The following CDYL variants were observed in gnomAD, a reference collection of about 807,000 sequenced individuals.
The protein encoded by CDYL is chromodomain Y-like protein.
A neutral mutation model predicts 47.3 loss-of-function variants in CDYL; 8 were observed. That is an observed-to-expected ratio of 0.17 (90% confidence interval 0.10 to 0.31). The LOEUF is 0.31. Ranked by LOEUF, CDYL falls within the 10% of genes least tolerant of loss-of-function variation. The pLI, the probability that CDYL is intolerant of heterozygous loss-of-function variation, is 1.00. For synonymous variants in CDYL, 266 were observed against 265.0 expected (o/e 1.00, Z -0.04); for missense variants, 471 against 701.4 (o/e 0.67, Z 3.71).
chr6:4,935,806 G>T, intron 3 of CDYL, 35 bp downstream of exon 3: 1 of 1,608,442 alleles, frequency 6.2e-7, no homozygotes, highest in South Asian at 1.1e-5. Flanking sequence ...TGGGCTTCGC[G>T]CTTCTCCCTG....
chr6:4,834,795 A>G (rs942377238), intron 1 of CDYL, among the ~76,000 whole-genome samples: 6 of 151,154 alleles, frequency 4.0e-5, no homozygotes, highest in Non-Finnish European at 7.4e-5. Flanking sequence ...TTTTCTCTAA[A>G]CTTCCTTTCT....
intron 1 of CDYL, among the ~76,000 whole-genome samples, chr6:4,796,106 C>T (rs1329871261): frequency 5.9e-5 from 9 of 151,994 alleles, no homozygotes; most frequent in South Asian, 4.1e-4. Context: ...ACTACAGGCA[C>T]GCACCACCAT....
chr6:4,791,715 A>T (rs1758922012), intron 1 of CDYL, among the ~76,000 whole-genome samples: 1 of 152,050 alleles, frequency 6.6e-6, no homozygotes, highest in Non-Finnish European at 1.5e-5. Flanking sequence ...AGAAAGAAAA[A>T]AAAAAAGTCC....
intron 4 of CDYL, among the ~76,000 whole-genome samples, chr6:4,938,986 A>C (rs1019750816): frequency 6.6e-6 from 1 of 152,220 alleles, no homozygotes; most frequent in East Asian, 1.9e-4. Context: ...TCAACATGAA[A>C]GTTGGCTATG....
chr6:4,806,219 T>A (rs752137917), intron 1 of CDYL, among the ~76,000 whole-genome samples: 1 of 152,298 alleles, frequency 6.6e-6, no homozygotes, highest in Middle Eastern at 3.4e-3. Flanking sequence ...AGAAAAGGAA[T>A]GCTTGCAGTC....
intron 1 of CDYL, among the ~76,000 whole-genome samples, chr6:4,885,081 C>T (rs537933397): frequency 1.3e-5 from 2 of 152,200 alleles, no homozygotes; most frequent in East Asian, 3.9e-4. Flanking sequence ...GTAGCCTAGA[C>T]CTCCTTGGCT....
rs9504227 is a variant in CDYL, at chr6:4,744,717, C to T, written c.186+9873C>T. On this transcript the variant is annotated intron_variant, in intron 3 of 8. Coordinates refer to the CDYL transcript ENST00000328908. ...CTTCATTTTACAGATAAGGAAACTA[C>T]GGCTTAAAGAGGTTAATTTTTCCAA... 9.0e-3 allele frequency among the ~76,000 whole-genome samples: 1,371 copies of T among 152,260 alleles called. 24 individuals are homozygous for T. The highest frequency in any genetic ancestry group is 0.031 in the African/African-American group (1,309 of 41,566).
At chr6:4,889,691 A>G (rs1761988764) in intron 1 of CDYL, among the ~76,000 whole-genome samples, 1 of 152,170 alleles carries the variant, frequency 6.6e-6, no homozygotes, top group African/African-American at 2.4e-5. Context: ...CCTTGCTATA[A>G]GAACAGGGTT....
At chr6:4,754,742 T>C (rs1233394189) in intron 3 of CDYL, among the ~76,000 whole-genome samples, 3 of 152,216 alleles carry the variant, frequency 2.0e-5, no homozygotes. Context: ...TAAATTAATA[T>C]TTGATTACTA....
intron 1 of CDYL, among the ~76,000 whole-genome samples, chr6:4,845,199 C>T (rs1171619080): frequency 3.3e-5 from 5 of 152,188 alleles, no homozygotes; most frequent in Non-Finnish European, 5.9e-5. Flanking sequence ...GGTTCAAAAG[C>T]TGACTTTTCA....
chr6:4,798,851 G>GCTAA (rs79037137), intron 1 of CDYL, among the ~76,000 whole-genome samples: 22,980 of 152,072 alleles, frequency 0.15, 1,920 homozygotes, highest in African/African-American at 0.22. Flanking sequence ...TTAAACATAA[G>GCTAA]CTAGACTTAA....
rs140155347 is a variant in CDYL at position 4,918,369 on chromosome 6, G to GC, written c.692-17136dup. Among the ~76,000 whole-genome samples the GC allele has an allele frequency of 6.3e-3, 929 of 148,602 alleles. 10 individuals are homozygous for GC. Among genetic ancestry groups the GC allele is most frequent in the African/African-American group, 0.022 (873 of 40,594 alleles). ...GAAAAGAAAGGTTGGGTGATGTTCTGCCCCCCCCCCTTTTTTTTGGCACTT... is the reference window on the plus strand; with the variant it reads ...GAAAAGAAAGGTTGGGTGATGTTCTGCCCCCCCCCCCTTTTTTTTGGCACTT... On this transcript the variant is annotated intron_variant, in intron 2 of 6. Transcript: ENST00000397588.
chr6:4,721,302 C>T (rs760224141), intron 2 of CDYL, among the ~76,000 whole-genome samples: 5 of 151,984 alleles, frequency 3.3e-5, no homozygotes, highest in Non-Finnish European at 7.4e-5. Context: ...TTTTGCTAAT[C>T]TTCTCTGTAT....
intron 1 of CDYL, among the ~76,000 whole-genome samples, chr6:4,715,393 T>C (rs1299127577): frequency 1.3e-5 from 2 of 152,222 alleles, no homozygotes; most frequent in East Asian, 3.8e-4. Context: ...CTGCAAATGA[T>C]AGCCTTCCAA....
intron 1 of CDYL, among the ~76,000 whole-genome samples, chr6:4,875,213 C>T (rs1265844987): frequency 6.6e-5 from 10 of 152,154 alleles, no homozygotes; most frequent in Admixed American, 6.5e-4. Flanking sequence ...ATTTTAGCCA[C>T]TGTAGTAAGA....
upstream of CDYL, among the ~76,000 whole-genome samples, chr6:4,772,463 C>CT (rs1459965181): frequency 2.0e-5 from 3 of 152,222 alleles, no homozygotes; most frequent in African/African-American, 7.2e-5. Flanking sequence ...GGTATCCACT[C>CT]TAAGCTTTTA....
chr6:4,765,046 G>A (rs1316133680), intron 3 of CDYL, among the ~76,000 whole-genome samples: 1 of 152,196 alleles, frequency 6.6e-6, no homozygotes, highest in Non-Finnish European at 1.5e-5. Flanking sequence ...AAATTGGCTG[G>A]GTGTGGTGGC....
At chr6:4,858,520 G>A (rs1160037571) in intron 1 of CDYL, among the ~76,000 whole-genome samples, 1 of 152,204 alleles carries the variant, frequency 6.6e-6, no homozygotes, top group Non-Finnish European at 1.5e-5. Context: ...TAAGGAACCT[G>A]CCCAGAGCCA....
At chr6:4,799,234 G>A (rs1759157512) in intron 1 of CDYL, among the ~76,000 whole-genome samples, 1 of 152,000 alleles carries the variant, frequency 6.6e-6, no homozygotes, top group Non-Finnish European at 1.5e-5. Context: ...TTTTATTGTT[G>A]ATTTTGAATT....
Sources: gnomAD v4.1 joint callset for allele counts (sites outside exome capture counted in the v4.1 genomes callset) on GRCh38, gnomAD v4.1.1 for gene constraint, MANE v1.5 for transcripts, NCBI Gene and HGNC (gene_info 2026-07-23, HGNC 2026-07-21) for gene names.